The following SUMF1 variants were observed in gnomAD, a reference collection of about 807,000 sequenced individuals.
The protein encoded by SUMF1 is sulfatase modifying factor 1, also known as formylglycine-generating enzyme.
In SUMF1, 48 loss-of-function variants were observed where a neutral mutation model predicts 47.6. That is an observed-to-expected ratio of 1.01 (90% CI 0.80 to 1.28). The LOEUF is 1.28. Ranked by LOEUF, SUMF1 falls within the 50% of genes most tolerant of loss-of-function variation. The pLI, the probability that SUMF1 is intolerant of heterozygous loss-of-function variation, is 0.00. For missense variants in SUMF1, 571 were observed against 485.4 expected, an observed-to-expected ratio of 1.18 and a Z score of -1.66; for synonymous variants, 230 against 192.1, an observed-to-expected ratio of 1.20 and a Z score of -1.63.
rs115440513 is a variant in SUMF1, at chr3:4,289,607, C to A, written c.1014+86723G>T. The stretch of plus-strand genomic sequence containing the variant: ...TTCTTATAGATTTCCTACAAGGAAC[C>A]CCCTCCATACTCACCCTCCATCACC... On this transcript the variant is annotated intron_variant and NMD_transcript_variant, in intron 8 of 12. Transcript: ENST00000448413. Among the ~76,000 whole-genome samples, 380 of 152,174 alleles carry A rather than the reference C, an allele frequency of 2.5e-3. 1 individual carries two copies. Among genetic ancestry groups the A allele is most frequent in the African/African-American group, 8.8e-3 (367 of 41,500 alleles).
At chr3:4,248,674 G>C (rs1653284087) in intron 8 of SUMF1, among the ~76,000 whole-genome samples, 1 of 152,130 alleles carries the variant, frequency 6.6e-6, no homozygotes, top group Non-Finnish European at 1.5e-5. Flanking sequence ...AAAGCAAAAG[G>C]GACTTTTTTC....
intron 8 of SUMF1, among the ~76,000 whole-genome samples, chr3:4,072,856 T>G (rs1467115415): frequency 6.6e-6 from 1 of 152,196 alleles, no homozygotes; most frequent in Non-Finnish European, 1.5e-5. Context: ...AACCTACGTT[T>G]GACTGGTGTA....
At chr3:4,088,599 T>C (rs749054504) in intron 8 of SUMF1, among the ~76,000 whole-genome samples, 2 of 152,140 alleles carry the variant, frequency 1.3e-5, no homozygotes, top group Non-Finnish European at 2.9e-5. Flanking sequence ...ATTCATTTCA[T>C]TTACTTATTT....
chr3:4,187,054 G>T (rs1385487), intron 8 of SUMF1, among the ~76,000 whole-genome samples: 44 of 151,798 alleles, frequency 2.9e-4, no homozygotes, highest in Non-Finnish European at 5.2e-4. Flanking sequence ...GGTGGACCAT[G>T]TATCTTCTGA....
chr3:4,405,112 A>G (rs1425968206), intron 7 of SUMF1, among the ~76,000 whole-genome samples: 1 of 152,206 alleles, frequency 6.6e-6, no homozygotes, highest in African/African-American at 2.4e-5. Context: ...GGAACAATCA[A>G]GTGTGGAGTT....
chr3:4,392,783 T>C (rs1700916302), intron 7 of SUMF1, among the ~76,000 whole-genome samples: 1 of 152,062 alleles, frequency 6.6e-6, no homozygotes, highest in South Asian at 2.1e-4. Context: ...GAATATAAAC[T>C]GTAGAATCTC....
intron 3 of SUMF1, among the ~76,000 whole-genome samples, chr3:4,423,169 A>G (rs928039821): frequency 6.6e-6 from 1 of 152,188 alleles, no homozygotes; most frequent in Admixed American, 6.5e-5. Flanking sequence ...AAGTCATTAC[A>G]TGAAAAAGAT....
intron 8 of SUMF1, among the ~76,000 whole-genome samples, chr3:4,168,269 C>T (rs1574945295): frequency 6.6e-6 from 1 of 152,190 alleles, no homozygotes; most frequent in East Asian, 1.9e-4. Flanking sequence ...ACTGACTCAA[C>T]CTGCCCAAAA....
intron 8 of SUMF1, among the ~76,000 whole-genome samples, chr3:4,249,019 C>T (rs567940361): frequency 1.8e-4 from 28 of 152,208 alleles, no homozygotes; most frequent in Non-Finnish European, 3.8e-4. Context: ...TTCTCCTTCA[C>T]TTCTCACTGA....
chr3:4,312,934 A>G, intron 8 of SUMF1: 1 of 1,613,590 alleles, frequency 6.2e-7, no homozygotes. Context: ...TGGAGCAGAC[A>G]TTGATCCCAC....
chr3:4,238,642 T>C (rs1696465004), intron 8 of SUMF1, among the ~76,000 whole-genome samples: 1 of 152,172 alleles, frequency 6.6e-6, no homozygotes. Context: ...TCTCATAAAT[T>C]TGTTTAAGTC....
chr3:4,071,622 G>C (rs987039830), intron 8 of SUMF1, among the ~76,000 whole-genome samples: 1 of 152,196 alleles, frequency 6.6e-6, no homozygotes, highest in Admixed American at 6.5e-5. Context: ...AGTGGGGGGA[G>C]GGGCATCCGC....
At chr3:4,438,277 T>C (rs934889744) in intron 3 of SUMF1, among the ~76,000 whole-genome samples, 2 of 151,420 alleles carry the variant, frequency 1.3e-5, no homozygotes, top group Non-Finnish European at 2.9e-5. Context: ...AAAAGAAAGA[T>C]GCACCTCATT....
At chr3:4,093,908 A>C (rs1692843090) in intron 8 of SUMF1, among the ~76,000 whole-genome samples, 2 of 152,110 alleles carry the variant, frequency 1.3e-5, no homozygotes, top group African/African-American at 4.8e-5. Flanking sequence ...AGAGGGGATA[A>C]ATATTAAAAT....
At chr3:4,321,559 C>A (rs1452921152) in intron 8 of SUMF1, among the ~76,000 whole-genome samples, 4 of 150,558 alleles carry the variant, frequency 2.7e-5, no homozygotes, top group African/African-American at 9.8e-5. Flanking sequence ...GTAAAAGCTC[C>A]CAGTGACCAA....
intron 9 of SUMF1, among the ~76,000 whole-genome samples, chr3:4,056,783 C>A (rs1695199193): frequency 6.6e-6 from 1 of 151,878 alleles, no homozygotes; most frequent in Non-Finnish European, 1.5e-5. Flanking sequence ...GCTCTACTGC[C>A]CAGGCTAGAG....
chr3:4,282,381 G>A (rs919612173), intron 8 of SUMF1, among the ~76,000 whole-genome samples: 26 of 152,056 alleles, frequency 1.7e-4, no homozygotes, highest in Admixed American at 1.2e-3. Context: ...ATATACAGAG[G>A]GAAAGGATGT....
At chr3:4,316,860 G>A (rs1222307553) in intron 8 of SUMF1, 1 of 1,549,608 alleles carries the variant, frequency 6.5e-7, no homozygotes, top group African/African-American at 1.4e-5. Flanking sequence ...CATTACATCT[G>A]AGAAGTATGC....
At chr3:4,126,795 AAAG>A (rs1437689613) in intron 8 of SUMF1, among the ~76,000 whole-genome samples, 3 of 152,206 alleles carry the variant, frequency 2.0e-5, no homozygotes, top group African/African-American at 4.8e-5. Context: ...ATAATCATGA[AAAG>A]AAATAATTTT....
Sources: allele counts gnomAD v4.1 joint callset (sites outside exome capture counted in the v4.1 genomes callset), GRCh38; gene constraint gnomAD v4.1.1; transcripts MANE v1.5; gene names NCBI Gene and HGNC (gene_info 2026-07-23, HGNC 2026-07-21).